SLCO5A1: variants seen among roughly 807,000 people sequenced by gnomAD.
The protein encoded by SLCO5A1 is solute carrier organic anion transporter family member 5A1.
SLCO5A1 carries 39 observed loss-of-function variants against 65.1 expected under a neutral mutation model. The observed-to-expected ratio is 0.60, with a 90% CI of 0.46 to 0.78. The LOEUF (loss-of-function observed/expected upper bound fraction) is 0.78. Ranked by LOEUF, SLCO5A1 falls within the 30% of genes least tolerant of loss-of-function variation. The pLI, the probability that SLCO5A1 is intolerant of heterozygous loss-of-function variation, is 0.00. For synonymous variants in SLCO5A1, 438 were observed against 415.7 expected (o/e 1.05, Z -0.65); for missense variants, 1,029 against 1,069.4 (o/e 0.96, Z 0.53).
intron 4 of SLCO5A1, among the ~76,000 whole-genome samples, chr8:69,743,201 A>G (rs901403887): frequency 6.6e-6 from 1 of 152,186 alleles, no homozygotes; most frequent in African/African-American, 2.4e-5. Context: ...AAACCTACTG[A>G]TCACAGCATG....
Position 69,672,657 on chromosome 8 carries a change from T to A in SLCO5A1, c.*212A>T. ...AAATGGGAACAAATCTAGCTGAACG[T>A]CTCCTTCTTGGAGAGAAGCGGGGAA... On this transcript the variant is annotated 3_prime_UTR_variant, in exon 10 of 10. Coordinates refer to ENST00000260126, the MANE Select transcript of SLCO5A1 (RefSeq NM_030958.3). 1.7e-6 allele frequency: 1 copy of A among 580,622 alleles called. No individual in the cohort carries two copies. Among genetic ancestry groups the A allele is most frequent in the Non-Finnish European group, 3.0e-6 (1 of 332,644 alleles). The allele number at this position is 580,622 out of a possible 1,614,324, so 36.0% of individuals were successfully genotyped here.
chr8:69,784,863 G>GAAAGAAAGAAAGAAAGAAAGAAA (rs71275014), intron 2 of SLCO5A1, among the ~76,000 whole-genome samples: 1 of 87,840 alleles, frequency 1.1e-5, no homozygotes, highest in African/African-American at 4.8e-5. Flanking sequence ...AAGAAAGAAA[G>GAAAGAAAGAAAGAAAGAAAGAAA]GGAAGGAAGG....
intron 3 of SLCO5A1, 91 bp from the exon 4 acceptor site, chr8:69,755,732 T>G (rs1817514816): frequency 8.1e-7 from 1 of 1,232,632 alleles, no homozygotes; most frequent in Non-Finnish European, 1.1e-6. Flanking sequence ...GTGAAAAAAT[T>G]TTGAAGAAAA....
intron 2 of SLCO5A1, among the ~76,000 whole-genome samples, chr8:69,788,874 C>T (rs1285798238): frequency 6.6e-6 from 1 of 152,284 alleles, no homozygotes; most frequent in East Asian, 1.9e-4. Flanking sequence ...AAAGTCTTTG[C>T]TATTGCAAAT....
At chr8:69,729,219 C>G (rs1816224327) in intron 5 of SLCO5A1, among the ~76,000 whole-genome samples, 1 of 151,916 alleles carries the variant, frequency 6.6e-6, no homozygotes, top group African/African-American at 2.4e-5. Context: ...CCGAGGCAGG[C>G]GGATCACGAG....
intron 2 of SLCO5A1, among the ~76,000 whole-genome samples, chr8:69,780,998 G>T (rs959711938): frequency 1.3e-5 from 2 of 152,166 alleles, no homozygotes; most frequent in African/African-American, 4.8e-5. Context: ...CTTCCATAAG[G>T]ATGGCAGGGA....
In SLCO5A1 at chr8:69,777,659, C is replaced by T. The variant is rs114966522; in HGVS notation, c.908-15784G>A. On this transcript the variant is annotated intron_variant, in intron 2 of 9. Coordinates refer to ENST00000260126, the MANE Select transcript of SLCO5A1 (RefSeq NM_030958.3). ...CTTAAGTTTTAAATTGCATGCTGTTCTGAGTAGCCTGGTGAAATTTCATAT... is the reference window on the plus strand; with the variant it reads ...CTTAAGTTTTAAATTGCATGCTGTTTTGAGTAGCCTGGTGAAATTTCATAT... Among the ~76,000 whole-genome samples the T allele has an allele frequency of 8.3e-3, 1,260 of 152,292 alleles. 13 individuals carry two copies. The highest frequency in any genetic ancestry group is 0.029 in the African/African-American group (1,204 of 41,564).
At chr8:69,802,623 G>A (rs995380556) in intron 2 of SLCO5A1, among the ~76,000 whole-genome samples, 13 of 151,112 alleles carry the variant, frequency 8.6e-5, no homozygotes, top group East Asian at 1.9e-4. Context: ...ACATTGTGCC[G>A]CCTGCTCTGA....
At chr8:69,688,478 C>G (rs1240639561) in intron 6 of SLCO5A1, among the ~76,000 whole-genome samples, 1 of 151,874 alleles carries the variant, frequency 6.6e-6, no homozygotes, top group Non-Finnish European at 1.5e-5. Context: ...CAATGCTATC[C>G]CTCCCCGCTC....
At chr8:69,725,757 CTT>C (rs1194468326) in intron 5 of SLCO5A1, among the ~76,000 whole-genome samples, 4 of 152,114 alleles carry the variant, frequency 2.6e-5, no homozygotes, top group African/African-American at 4.8e-5. Flanking sequence ...TTGGGCATAT[CTT>C]TGTTGATTGA....
chr8:69,673,067 T>C lies in SLCO5A1; in HGVS notation c.2349A>G (p.Arg783=). 1 of 1,614,208 alleles carries C rather than the reference T, an allele frequency of 6.2e-7. No homozygotes were observed. The highest frequency in any genetic ancestry group is 8.5e-7 in the Non-Finnish European group (1 of 1,180,048). The change falls in exon 10 of 10, where the codon AGA becomes AGG. Residue 783 remains arginine (R), a synonymous_variant. Transcript: ENST00000260126. ...TCCGGGCATTGTCGGGGTGTCCCAC[T>C]CTCTCACTCACGGTGCTCAGGGGAA... The part of the protein sequence containing the change: ...REFPLSTVSE[R]VGHPDNARTR...
At chr8:69,739,963 T>A (rs1816726142) in intron 4 of SLCO5A1, among the ~76,000 whole-genome samples, 1 of 152,196 alleles carries the variant, frequency 6.6e-6, no homozygotes, top group South Asian at 2.1e-4. Context: ...ATAAAATAAA[T>A]TTTTAACATA....
At chr8:69,737,625 C>A (rs1816613309) in intron 5 of SLCO5A1, among the ~76,000 whole-genome samples, 1 of 152,158 alleles carries the variant, frequency 6.6e-6, no homozygotes, top group African/African-American at 2.4e-5. Flanking sequence ...CAAATAAAAT[C>A]TGTTCACATT....
At chr8:69,794,241 CA>C in intron 2 of SLCO5A1, 4 of 466,640 alleles carry the variant, frequency 8.6e-6, no homozygotes, top group Non-Finnish European at 1.3e-5. Context: ...CCCTGCTTGT[CA>C]AAAGCTTCCA....
intron 2 of SLCO5A1, among the ~76,000 whole-genome samples, chr8:69,819,629 T>C (rs140198291): frequency 1.1e-3 from 160 of 152,286 alleles, no homozygotes; most frequent in East Asian, 3.1e-3. Context: ...AAACTAATGC[T>C]ACAGAGTGCT....
Position 69,755,533 on chromosome 8 carries a change from T to G in SLCO5A1, c.1149A>C (p.Lys383Asn). The change falls in exon 4 of 10, where the codon AAA (lysine) becomes AAC (asparagine). Residue 383 changes from lysine to asparagine, a missense_variant. Lys to Asn is a moderately conservative substitution (Grantham distance 94, BLOSUM62 0). Transcript: ENST00000260126. ...PPRHKKKKKK[K>N]FSVDAVSDDD... ...CATCACTAACAGCATCAACAGAAAA[T>G]TTTTTCTTTTTCTTTTTCTTGTGTC... 1 of 1,614,058 alleles carries G rather than the reference T, an allele frequency of 6.2e-7. No homozygotes were observed. Among genetic ancestry groups the G allele is most frequent in the Non-Finnish European group, 8.5e-7 (1 of 1,179,950 alleles).
intron 2 of SLCO5A1, among the ~76,000 whole-genome samples, chr8:69,830,018 A>C (rs1376631592): frequency 2.0e-5 from 3 of 152,192 alleles, no homozygotes; most frequent in Non-Finnish European, 4.4e-5. Flanking sequence ...GTATGTTTAA[A>C]ATTTTGTCTT....
intron 2 of SLCO5A1, among the ~76,000 whole-genome samples, chr8:69,811,411 A>C (rs1417408857): frequency 6.6e-6 from 1 of 152,020 alleles, no homozygotes; most frequent in Non-Finnish European, 1.5e-5. Context: ...TTCGTAGGGG[A>C]GCTCTCAACA....
At chr8:69,679,687 A>G in intron 7 of SLCO5A1, 68 bp from the exon 8 acceptor site, 1 of 1,572,984 alleles carries the variant, frequency 6.4e-7, no homozygotes, top group South Asian at 1.2e-5. Context: ...GAATATTAAG[A>G]CAAAGTTAAG....
Sources: gnomAD v4.1 joint callset for allele counts (sites outside exome capture counted in the v4.1 genomes callset) on GRCh38, gnomAD v4.1.1 for gene constraint, MANE v1.5 for transcripts, NCBI Gene and HGNC (gene_info 2026-07-23, HGNC 2026-07-21) for gene names.